VPS13B: variants seen among roughly 807,000 people sequenced by gnomAD.
The protein encoded by VPS13B is intermembrane lipid transfer protein VPS13B.
A neutral mutation model predicts 426.4 loss-of-function variants in VPS13B; 285 were observed. The observed-to-expected ratio is 0.67, with a 90% CI of 0.61 to 0.74. VPS13B has a LOEUF of 0.74. VPS13B is among the 30% of genes least tolerant of loss of function. The probability of loss-of-function intolerance (pLI) is 0.00; values close to 1 mark genes in which losing one functional copy is unlikely to be tolerated. For synonymous variants in VPS13B, 1,676 were observed against 1,676.4 expected, an observed-to-expected ratio of 1.00 and a Z score of 0.01; for missense variants, 4,537 against 4,782.6, an observed-to-expected ratio of 0.95 and a Z score of 1.51.
rs573596681 is a variant in VPS13B, at chr8:99,427,691, C to T, written c.3083-3846C>T. Among the ~76,000 whole-genome samples the T allele has an allele frequency of 3.5e-3, 537 of 151,876 alleles. 3 individuals are homozygous for T. Among genetic ancestry groups the T allele is most frequent in the African/African-American group, 0.011 (460 of 41,430 alleles). ...GCTCATGGGTAGGAAGAATCAAAAT[C>T]GTGAAAATGGCCATACTGCCCAAGG... On this transcript the variant is annotated intron_variant, in intron 21 of 61. Coordinates refer to ENST00000357162, the MANE Select transcript of VPS13B (RefSeq NM_152564.5).
At position 99,460,057 on chromosome 8, in the gene VPS13B, A is replaced by T. The variant is rs2133486616; in HGVS notation, c.3446-7357A>T. ...TCTTGCTATTTAATGCAGTCTGACA[A>T]TCTCTGATTTTTAAATGGGGCTTTT... On this transcript the variant is annotated intron_variant, in intron 23 of 61. Coordinates refer to ENST00000357162, the MANE Select transcript of VPS13B (RefSeq NM_152564.5). 1.3e-5 allele frequency among the ~76,000 whole-genome samples: 2 copies of T among 152,192 alleles called. 1 individual carries two copies. Among genetic ancestry groups the T allele is most frequent in the Admixed American group, 1.3e-4 (2 of 15,278 alleles).
intron 21 of VPS13B, among the ~76,000 whole-genome samples, chr8:99,412,612 A>G (rs1815745039): frequency 6.6e-6 from 1 of 152,192 alleles, no homozygotes; most frequent in Admixed American, 6.5e-5. Flanking sequence ...ACTATGTGGA[A>G]TAGGAGTGGT....
At chr8:99,230,737 C>T (rs959132047) in intron 17 of VPS13B, among the ~76,000 whole-genome samples, 2 of 152,146 alleles carry the variant, frequency 1.3e-5, no homozygotes, top group African/African-American at 4.8e-5. Flanking sequence ...GTCTGGTATA[C>T]CATGACTGTT....
At chr8:99,113,965 C>T (rs1847515576) in intron 6 of VPS13B, among the ~76,000 whole-genome samples, 1 of 151,924 alleles carries the variant, frequency 6.6e-6, no homozygotes, top group East Asian at 1.9e-4. Context: ...GAGATACATA[C>T]GTTCTGGTGA....
At chr8:99,471,858 G>A (rs1315494441) in intron 24 of VPS13B, among the ~76,000 whole-genome samples, 3 of 152,034 alleles carry the variant, frequency 2.0e-5, no homozygotes, top group African/African-American at 7.2e-5. Context: ...CCTTCACAGA[G>A]AAAGTTCACA....
At chr8:99,027,787 C>T (rs1842215817) in intron 2 of VPS13B, among the ~76,000 whole-genome samples, 2 of 150,676 alleles carry the variant, frequency 1.3e-5, no homozygotes, top group Admixed American at 1.3e-4. Context: ...GTGTTTCTCG[C>T]AGAGGGGGAT....
intron 56 of VPS13B, among the ~76,000 whole-genome samples, chr8:99,856,283 TG>T (rs1371047324): frequency 6.6e-6 from 1 of 152,248 alleles, no homozygotes; most frequent in East Asian, 1.9e-4. Flanking sequence ...CAGAGCCTGT[TG>T]GAAACTCTGT....
chr8:99,188,767 A>G (rs1813371908), intron 16 of VPS13B, among the ~76,000 whole-genome samples: 1 of 152,150 alleles, frequency 6.6e-6, no homozygotes, highest in South Asian at 2.1e-4. Context: ...ATCCCTTCTG[A>G]TGGGTATGAA....
chr8:99,564,328 G>A (rs1825084117), intron 31 of VPS13B, among the ~76,000 whole-genome samples: 1 of 152,192 alleles, frequency 6.6e-6, no homozygotes, highest in Admixed American at 6.5e-5. Context: ...AGAGGGAGTT[G>A]AAGGATCAAA....
At chr8:99,463,101 G>A (rs1818923018) in intron 23 of VPS13B, among the ~76,000 whole-genome samples, 1 of 152,168 alleles carries the variant, frequency 6.6e-6, no homozygotes, top group African/African-American at 2.4e-5. Context: ...TTTACCCTAA[G>A]TCACACACTG....
chr8:99,745,792 A>T (rs79976490), intron 39 of VPS13B, among the ~76,000 whole-genome samples: 4,197 of 152,064 alleles, frequency 0.028, 79 homozygotes, highest in Non-Finnish European at 0.043. Flanking sequence ...CTTTTTGTTG[A>T]TGTTGTTATT....
intron 17 of VPS13B, among the ~76,000 whole-genome samples, chr8:99,247,390 C>A (rs1272809822): frequency 2.0e-5 from 3 of 151,982 alleles, no homozygotes; most frequent in Non-Finnish European, 4.4e-5. Flanking sequence ...TAAAAATTTG[C>A]CTTCATTCCA....
intron 43 of VPS13B, among the ~76,000 whole-genome samples, chr8:99,785,273 T>G (rs191246363): frequency 1.3e-5 from 2 of 152,172 alleles, no homozygotes; most frequent in Non-Finnish European, 2.9e-5. Context: ...AGAAAACTAC[T>G]GCCTGCTTGT....
intron 17 of VPS13B, chr8:99,233,244 C>T: frequency 1.6e-6 from 2 of 1,216,032 alleles, no homozygotes; most frequent in Non-Finnish European, 2.4e-6. Flanking sequence ...TTAAGTTATG[C>T]AGTTCATTCA....
At chr8:99,722,276 C>T (rs1192165538) in intron 39 of VPS13B, among the ~76,000 whole-genome samples, 1 of 152,124 alleles carries the variant, frequency 6.6e-6, no homozygotes, top group Non-Finnish European at 1.5e-5. Flanking sequence ...CCTTGTTTTG[C>T]TTTCTTATAG....
At chr8:99,326,451 G>GTTTTTTTTTTTTTTTTTT in intron 19 of VPS13B, among the ~76,000 whole-genome samples, 1 of 19,748 alleles carries the variant, frequency 5.1e-5, no homozygotes, top group Non-Finnish European at 1.0e-4. Context: ...TCTCTAGGTA[G>GTTTTTTTTTTTTTTTTTT]CTTTTTTTTT....
At chr8:99,566,297 C>T (rs922479535) in intron 31 of VPS13B, among the ~76,000 whole-genome samples, 11 of 152,040 alleles carry the variant, frequency 7.2e-5, no homozygotes, top group South Asian at 2.1e-4. Flanking sequence ...TGGTAGCATA[C>T]GATAAAATTT....
At chr8:99,421,477 A>G (rs1161916562) in intron 21 of VPS13B, among the ~76,000 whole-genome samples, 1 of 152,134 alleles carries the variant, frequency 6.6e-6, no homozygotes. Context: ...ATTGAATAAT[A>G]GAAAAGGCAG....
intron 30 of VPS13B, among the ~76,000 whole-genome samples, chr8:99,535,812 ATAAC>A (rs755742368): frequency 1.2e-4 from 18 of 152,216 alleles, no homozygotes; most frequent in Non-Finnish European, 2.4e-4. Context: ...TAGGTTTGAC[ATAAC>A]TAACTGTTAT....
Sources: gnomAD v4.1 joint callset for allele counts (sites outside exome capture counted in the v4.1 genomes callset) on GRCh38, gnomAD v4.1.1 for gene constraint, MANE v1.5 for transcripts, NCBI Gene and HGNC (gene_info 2026-07-23, HGNC 2026-07-21) for gene names.